Variants in SLC18A1 observed in about 807,000 individuals in gnomAD.
SLC18A1 encodes the protein chromaffin granule amine transporter.
Under a neutral mutation model 53.7 loss-of-function variants are expected in SLC18A1, and 69 were observed. The observed-to-expected ratio is 1.28, with a 90% CI of 1.06 to 1.57. The LOEUF (loss-of-function observed/expected upper bound fraction) is 1.57. SLC18A1 is among the 40% of genes most tolerant of loss of function. SLC18A1 has a pLI of 0.00. For missense variants in SLC18A1, 932 were observed against 668.1 expected (o/e 1.40, Z -4.35); for synonymous variants, 320 against 248.1 (o/e 1.29, Z -2.72).
intron 11 of SLC18A1, among the ~76,000 whole-genome samples, chr8:20,149,954 G>A (rs572253144): frequency 6.6e-6 from 1 of 152,102 alleles, no homozygotes; most frequent in South Asian, 2.1e-4. Flanking sequence ...CAGAGGAGGT[G>A]CCGTGGGACA....
At chr8:20,168,157 G>GGA (rs940084453) in intron 8 of SLC18A1, among the ~76,000 whole-genome samples, 9 of 152,020 alleles carry the variant, frequency 5.9e-5, no homozygotes, top group Non-Finnish European at 1.0e-4. Context: ...ATTAAGGACG[G>GGA]GAGGCCAGGA....
chr8:20,173,756 C>T (rs1041845212), intron 5 of SLC18A1, among the ~76,000 whole-genome samples: 7 of 152,176 alleles, frequency 4.6e-5, no homozygotes, highest in Admixed American at 2.0e-4. Flanking sequence ...TAGAGTGGCA[C>T]TAAATGAAAG....
chr8:20,180,293 G>A (rs907953999), intron 2 of SLC18A1, among the ~76,000 whole-genome samples: 1 of 152,022 alleles, frequency 6.6e-6, no homozygotes, highest in Admixed American at 6.6e-5. Flanking sequence ...AAAAACATAT[G>A]TTTTACCCAA....
At chr8:20,149,566 G>A (rs2071491726) in intron 12 of SLC18A1, 110 bp downstream of exon 12, 5 of 844,884 alleles carry the variant, frequency 5.9e-6, no homozygotes, top group Non-Finnish European at 7.5e-6. Context: ...TTAAATGTCT[G>A]TGTCTTTCTC....
intron 4 of SLC18A1, among the ~76,000 whole-genome samples, chr8:20,176,280 C>G (rs2072249113): frequency 6.6e-6 from 1 of 152,174 alleles, no homozygotes; most frequent in South Asian, 2.1e-4. Flanking sequence ...CTTTCTTCCT[C>G]TCTCATCTCT....
chr8:20,182,005 T>C lies in SLC18A1; in HGVS notation c.-123-918A>G, dbSNP rs77551264. On this transcript the variant is annotated intron_variant, in intron 1 of 15. Transcript: ENST00000276373. ...GATTAGTTCTCTATTCAGGATTTCATATCATTAGTCAGCATTAAGTCACAG... is the reference window on the plus strand; with the variant it reads ...GATTAGTTCTCTATTCAGGATTTCACATCATTAGTCAGCATTAAGTCACAG... 3 of 152,368 alleles carry C rather than the reference T, an allele frequency of 2.0e-5. No homozygotes were observed. In the East Asian group the frequency reaches 5.8e-4, roughly 29 times the overall value. The allele number at this position is 152,368 out of a possible 1,614,324, so 9.4% of individuals were successfully genotyped here.
In SLC18A1 at chr8:20,148,998, A is replaced by C. The variant is rs142759217; in HGVS notation, c.1146+678T>G. Among the ~76,000 whole-genome samples the C allele has an allele frequency of 2.7e-3, 407 of 152,146 alleles. 1 individual carries two copies. Among genetic ancestry groups the C allele is most frequent in the African/African-American group, 9.1e-3 (378 of 41,504 alleles). On this transcript the variant is annotated intron_variant, in intron 12 of 15. Coordinates refer to ENST00000276373, the MANE Select transcript of SLC18A1 (RefSeq NM_003053.4). Reference sequence around the variant, plus strand: ...AAGTCACATGCATAGAAAGTGGCAAAACCTGCCATGGAACCCGGATCCCAT... The same window carrying C: ...AAGTCACATGCATAGAAAGTGGCAACACCTGCCATGGAACCCGGATCCCAT...
At position 20,177,640 on chromosome 8, in the gene SLC18A1, A is replaced by AAAAAG. The variant is rs760788199; in HGVS notation, c.547+790_547+794dup. On this transcript the variant is annotated intron_variant, in intron 4 of 15. Transcript: ENST00000276373. ...GTACCCTAGAACTTAAAGTATAATT[A>AAAAAG]AAAAGAAAAGAAAAGAAAAGAAAAA... Among the ~76,000 whole-genome samples the AAAAAG allele has an allele frequency of 1.3e-3, 192 of 152,332 alleles. 1 individual carries two copies. Among genetic ancestry groups the AAAAAG allele is most frequent in the African/African-American group, 3.7e-3 (152 of 41,570 alleles).
chr8:20,147,567 CAG>C (rs768517460), intron 14 of SLC18A1, 34 bp downstream of exon 14: 26 of 1,612,520 alleles, frequency 1.6e-5, no homozygotes, highest in Non-Finnish European at 2.2e-5. Context: ...AAAGAGTAGA[CAG>C]GGGAAAGTGG....
intron 10 of SLC18A1, among the ~76,000 whole-genome samples, chr8:20,154,787 A>C (rs555896609): frequency 3.1e-4 from 47 of 152,040 alleles, no homozygotes; most frequent in Middle Eastern, 6.8e-3. Context: ...GCAACTGTAC[A>C]CTCTTCTGGT....
chr8:20,173,819 C>T (rs1389616127), intron 5 of SLC18A1, among the ~76,000 whole-genome samples: 1 of 152,078 alleles, frequency 6.6e-6, no homozygotes, highest in Non-Finnish European at 1.5e-5. Flanking sequence ...GAGCTAGCTG[C>T]ATCTGAATAT....
intron 10 of SLC18A1, among the ~76,000 whole-genome samples, chr8:20,151,153 T>G (rs1357026574): frequency 3.9e-5 from 5 of 126,634 alleles, no homozygotes; most frequent in Admixed American, 1.6e-4. Flanking sequence ...TTTTGTTTTT[T>G]TTTTGTTTGT....
At chr8:20,169,261 G>C (rs888691338) in intron 8 of SLC18A1, among the ~76,000 whole-genome samples, 7 of 152,126 alleles carry the variant, frequency 4.6e-5, no homozygotes, top group African/African-American at 1.7e-4. Flanking sequence ...AACTTTTCCA[G>C]ATTAAAAGAG....
chr8:20,162,052 C>T (rs774802699), intron 10 of SLC18A1, among the ~76,000 whole-genome samples: 3 of 152,210 alleles, frequency 2.0e-5, no homozygotes, highest in African/African-American at 7.2e-5. Context: ...CCAAGGCTTA[C>T]CACTTGCACC....
intron 12 of SLC18A1, 99 bp from the exon 13 acceptor site, chr8:20,148,169 A>G (rs2071452022): frequency 3.0e-6 from 3 of 996,998 alleles, no homozygotes; most frequent in East Asian, 2.4e-5. Flanking sequence ...TTCAGAGTGC[A>G]CTATTGGCCA....
intron 10 of SLC18A1, among the ~76,000 whole-genome samples, chr8:20,155,441 C>T (rs933214172): frequency 1.3e-5 from 2 of 152,136 alleles, no homozygotes; most frequent in Middle Eastern, 3.2e-3. Context: ...GAGCATTGGT[C>T]TGCCTGGAAC....
chr8:20,159,330 C>G (rs2071759745), intron 10 of SLC18A1, among the ~76,000 whole-genome samples: 1 of 152,070 alleles, frequency 6.6e-6, no homozygotes, highest in African/African-American at 2.4e-5. Flanking sequence ...GCTGGATTTC[C>G]TAGGCCAATT....
At chr8:20,152,429 G>C (rs1324392849) in intron 10 of SLC18A1, among the ~76,000 whole-genome samples, 1 of 152,188 alleles carries the variant, frequency 6.6e-6, no homozygotes, top group Non-Finnish European at 1.5e-5. Flanking sequence ...AGAAGTCATG[G>C]TGGAGAGAAG....
At chr8:20,146,148 C>A (rs1025099871) in intron 15 of SLC18A1, among the ~76,000 whole-genome samples, 2 of 152,094 alleles carry the variant, frequency 1.3e-5, no homozygotes, top group African/African-American at 4.8e-5. Flanking sequence ...ATCTCCTGAC[C>A]TCGTGATGCG....
Sources: gnomAD v4.1 joint callset for allele counts (sites outside exome capture counted in the v4.1 genomes callset) on GRCh38, gnomAD v4.1.1 for gene constraint, MANE v1.5 for transcripts, NCBI Gene and HGNC (gene_info 2026-07-23, HGNC 2026-07-21) for gene names.